SLC35D2: variants seen among roughly 807,000 people sequenced by gnomAD.
SLC35D2 encodes solute carrier family 35 member D2.
A neutral mutation model predicts 41.8 loss-of-function variants in SLC35D2; 43 were observed. That is an observed-to-expected ratio of 1.03 (90% confidence interval 0.81 to 1.33). The LOEUF (loss-of-function observed/expected upper bound fraction) is 1.33, where lower values mean the gene tolerates loss of function less well. SLC35D2 is among the 40% of genes most tolerant of loss of function. The probability of loss-of-function intolerance (pLI) is 0.00; values close to 1 mark genes in which losing one functional copy is unlikely to be tolerated. For synonymous variants in SLC35D2, 150 were observed against 163.9 expected (o/e 0.92, Z 0.65); for missense variants, 380 against 408.4 (o/e 0.93, Z 0.60).
At chr9:96,375,969 T>C (rs1830933679) in intron 1 of SLC35D2, among the ~76,000 whole-genome samples, 1 of 152,012 alleles carries the variant, frequency 6.6e-6, no homozygotes, top group African/African-American at 2.4e-5. Context: ...AAAACCAGCC[T>C]GGCCAATATG....
chr9:96,383,337 G>A (rs1181245651), intron 1 of SLC35D2, 140 bp downstream of exon 1: 52 of 519,368 alleles, frequency 1.0e-4, no homozygotes, highest in Middle Eastern at 1.2e-3. Context: ...GAGGGCGCCT[G>A]GGAAACTCGA....
intron 6 of SLC35D2, among the ~76,000 whole-genome samples, chr9:96,349,445 G>A (rs1829718357): frequency 6.6e-6 from 1 of 152,098 alleles, no homozygotes. Context: ...GTCACTGGGT[G>A]GCCGCTCTCC....
intron 11 of SLC35D2, among the ~76,000 whole-genome samples, 166 bp downstream of exon 11, chr9:96,321,832 G>A (rs1397948849): frequency 1.3e-5 from 2 of 152,166 alleles, no homozygotes; most frequent in Non-Finnish European, 2.9e-5. Context: ...ATCTGCATGA[G>A]GATGAACCCA....
At chr9:96,353,275 G>T (rs566509882) in intron 4 of SLC35D2, among the ~76,000 whole-genome samples, 2 of 151,962 alleles carry the variant, frequency 1.3e-5, no homozygotes, top group South Asian at 2.1e-4. Flanking sequence ...AAAACAAATG[G>T]ATACAAAACC....
At chr9:96,344,668 G>A (rs12002631) in intron 7 of SLC35D2, among the ~76,000 whole-genome samples, 1 of 120,808 alleles carries the variant, frequency 8.3e-6, no homozygotes, top group South Asian at 2.9e-4. Context: ...TTGGAACAAA[G>A]AAACATATGC....
At chr9:96,366,919 A>T (rs1830496170) in intron 2 of SLC35D2, among the ~76,000 whole-genome samples, 1 of 151,892 alleles carries the variant, frequency 6.6e-6, no homozygotes, top group Non-Finnish European at 1.5e-5. Context: ...CAAGACATTT[A>T]ATCAGAATGA....
downstream of SLC35D2, among the ~76,000 whole-genome samples, chr9:96,317,738 G>C (rs1478075238): frequency 6.6e-6 from 1 of 151,976 alleles, no homozygotes; most frequent in Non-Finnish European, 1.5e-5. Flanking sequence ...ACAAAAGTTT[G>C]GATGGCCAGG....
Position 96,324,027 on chromosome 9 carries a change from C to A in SLC35D2, c.831+64G>T, listed in dbSNP as rs7038255. ...AACAACAAAATCAAACCCGGCCTCC[C>A]ATGGAATATTTGGATTTCCATTCCT... On this transcript the variant is annotated intron_variant, in intron 10 of 11. Coordinates refer to ENST00000253270, the MANE Select transcript of SLC35D2 (RefSeq NM_007001.3). 543 of 1,422,866 alleles carry A rather than the reference C, an allele frequency of 3.8e-4. 2 individuals carry two copies. In the African/African-American group the frequency reaches 6.5e-3, roughly 17 times the overall value. 88.1% of individuals were successfully genotyped at this position (1,422,866 alleles called of 1,614,324 possible). A position where few individuals can be genotyped will look rare whatever the true frequency, so the allele number is the denominator to read the frequency against.
chr9:96,334,493 C>T (rs1203022478), intron 9 of SLC35D2, among the ~76,000 whole-genome samples: 1 of 152,040 alleles, frequency 6.6e-6, no homozygotes, highest in African/African-American at 2.4e-5. Flanking sequence ...CAAAAATTAG[C>T]CAGGTGTGGT....
At chr9:96,339,560 A>C (rs918985291) in intron 8 of SLC35D2, among the ~76,000 whole-genome samples, 5 of 152,232 alleles carry the variant, frequency 3.3e-5, no homozygotes, top group Non-Finnish European at 5.9e-5. Context: ...AATCAAAGGT[A>C]AACAACAATA....
chr9:96,371,718 CTTTTTTTTTTTTTTT>C (rs774105070), intron 1 of SLC35D2, among the ~76,000 whole-genome samples: 1 of 90,568 alleles, frequency 1.1e-5, no homozygotes, highest in Middle Eastern at 7.6e-3. Context: ...AACTAAATTT[CTTTTTTTTTTTTTTT>C]TTTTTTTTTT....
At chr9:96,360,433 A>G (rs1192236719) in intron 3 of SLC35D2, among the ~76,000 whole-genome samples, 1 of 151,970 alleles carries the variant, frequency 6.6e-6, no homozygotes, top group Non-Finnish European at 1.5e-5. Context: ...GTTCGAGACC[A>G]GACTGACCAA....
downstream of SLC35D2, among the ~76,000 whole-genome samples, chr9:96,318,899 T>C (rs557667605): frequency 2.0e-5 from 3 of 152,216 alleles, no homozygotes; most frequent in African/African-American, 7.2e-5. Flanking sequence ...TGTGGAGAAA[T>C]TGGAACCCTT....
chr9:96,345,425 G>T, intron 6 of SLC35D2, 24 bp from the exon 7 acceptor site: 1 of 1,351,052 alleles, frequency 7.4e-7, no homozygotes, highest in Non-Finnish European at 1.1e-6. Flanking sequence ...CACAAAGGGA[G>T]AATGATTACT....
chr9:96,379,952 C>T (rs552891661), intron 1 of SLC35D2, among the ~76,000 whole-genome samples: 2 of 146,384 alleles, frequency 1.4e-5, no homozygotes, highest in South Asian at 4.4e-4. Flanking sequence ...GGCTGGAGTG[C>T]GATGGCGTGG....
intron 1 of SLC35D2, among the ~76,000 whole-genome samples, chr9:96,379,898 CTTTTT>C (rs372665048): frequency 7.4e-6 from 1 of 135,420 alleles, no homozygotes; most frequent in Non-Finnish European, 1.6e-5. Context: ...AGGCTAGAGC[CTTTTT>C]TTTTTTTTTT....
chr9:96,356,321 T>C (rs972409275), intron 4 of SLC35D2, among the ~76,000 whole-genome samples: 2 of 149,988 alleles, frequency 1.3e-5, no homozygotes, highest in Non-Finnish European at 3.0e-5. Flanking sequence ...ACAGCAACAC[T>C]AACAAACTAA....
intron 6 of SLC35D2, among the ~76,000 whole-genome samples, chr9:96,350,326 A>C (rs1328263454): frequency 2.2e-5 from 3 of 134,506 alleles, no homozygotes; most frequent in Non-Finnish European, 4.7e-5. Flanking sequence ...ACACACCACG[A>C]CGCCAGGCTA....
intron 1 of SLC35D2, among the ~76,000 whole-genome samples, chr9:96,380,768 C>T (rs907711663): frequency 1.3e-5 from 2 of 151,968 alleles, no homozygotes; most frequent in Non-Finnish European, 2.9e-5. Context: ...CCACCGCGCC[C>T]GGCCTTTTTT....
Sources: allele counts gnomAD v4.1 joint callset (sites outside exome capture counted in the v4.1 genomes callset), GRCh38; gene constraint gnomAD v4.1.1; transcripts MANE v1.5; gene names NCBI Gene and HGNC (gene_info 2026-07-23, HGNC 2026-07-21).